Variants in SPSB1 observed in about 807,000 individuals in gnomAD.
The protein encoded by SPSB1 is splA/ryanodine receptor domain and SOCS box containing 1, also known as SPRY domain-containing SOCS box protein 1.
SPSB1 carries 8 observed loss-of-function variants against 21.2 expected under a neutral mutation model. The observed-to-expected ratio is 0.38, with a 90% confidence interval of 0.22 to 0.68. The LOEUF is 0.68. Among genes scored for constraint, SPSB1 ranks in the 30% least tolerant of loss-of-function variants. The pLI is 0.53. For synonymous variants in SPSB1, 169 were observed against 161.7 expected (o/e 1.05, Z -0.34); for missense variants, 242 against 377.8 (o/e 0.64, Z 2.98).
At chr1:9,341,825 C>T (rs926588380) in intron 1 of SPSB1, among the ~76,000 whole-genome samples, 1 of 152,210 alleles carries the variant, frequency 6.6e-6, no homozygotes, top group African/African-American at 2.4e-5. Context: ...GCCTCAGCCT[C>T]CTGAGTAGCT....
At chr1:9,313,064 T>C (rs969830033) in intron 1 of SPSB1, among the ~76,000 whole-genome samples, 2 of 152,210 alleles carry the variant, frequency 1.3e-5, no homozygotes, top group African/African-American at 2.4e-5. Context: ...CCCTGTGGAA[T>C]GGGGATTACC....
rs537746906 is a variant in SPSB1, at chr1:9,340,938, A to G, written c.-149-14805A>G. Among the ~76,000 whole-genome samples, 21 of 152,282 alleles carry G rather than the reference A, an allele frequency of 1.4e-4. 1 individual carries two copies. In the South Asian group the frequency reaches 3.9e-3, roughly 29 times the overall value. ...AGTGGGAAGGGGAGAAGACTGGTCT[A>G]GCTCAAAAGGCCAGTCCTGGGCTTC... On this transcript the variant is annotated intron_variant, in intron 1 of 2. Coordinates refer to ENST00000328089, the MANE Select transcript of SPSB1 (RefSeq NM_025106.4).
intron 2 of SPSB1, among the ~76,000 whole-genome samples, chr1:9,358,760 A>G (rs1640418400): frequency 6.6e-6 from 1 of 152,134 alleles, no homozygotes; most frequent in African/African-American, 2.4e-5. Flanking sequence ...CTCCAGGAAC[A>G]TGCCCCCTGA....
At chr1:9,309,219 A>G (rs141391723) in intron 1 of SPSB1, among the ~76,000 whole-genome samples, 721 of 17,322 alleles carry the variant, frequency 0.042, 8 homozygotes, top group African/African-American at 0.14. Context: ...TGAGATGTGC[A>G]GATAAGCTAG....
chr1:9,344,759 G>A (rs906424524), intron 1 of SPSB1, among the ~76,000 whole-genome samples: 1 of 152,212 alleles, frequency 6.6e-6, no homozygotes. Flanking sequence ...TGACTGTCAC[G>A]TAGGCTGGGT....
In SPSB1 at chr1:9,347,690, A is replaced by G. The variant is rs192267764; in HGVS notation, c.-149-8053A>G. Among the ~76,000 whole-genome samples, 177 of 152,208 alleles carry G rather than the reference A, an allele frequency of 1.2e-3. 1 individual carries two copies. The highest frequency in any genetic ancestry group is 6.8e-3 in the Middle Eastern group (2 of 294). ...GGCTGCATGGAGCTCCGTGGTGTAGATGAGGTGGGACTCATGCTGTCCCCA... is the reference window on the plus strand; with the variant it reads ...GGCTGCATGGAGCTCCGTGGTGTAGGTGAGGTGGGACTCATGCTGTCCCCA... On this transcript the variant is annotated intron_variant, in intron 1 of 2. Transcript: ENST00000328089.
In SPSB1 at chr1:9,356,333, C is replaced by T. The variant is rs767731224; in HGVS notation, c.442C>T (p.Arg148Trp). Residue 148 changes from arginine (R) to tryptophan (W), a missense_variant, in exon 2 of 3, where the codon CGG becomes TGG. Coordinates refer to ENST00000328089, the MANE Select transcript of SPSB1 (RefSeq NM_025106.4). This position sits in a 1 kb window ranked among gnomAD's most constrained non-coding sequence, Gnocchi z 7.4. ...ESWGWDLGRN[R>W]LYHDGKNQPS... ...CTGGGGCTGGGACTTGGGGCGCAACCGGCTCTACCACGATGGCAAGAACCA... is the reference window on the plus strand; with the variant it reads ...CTGGGGCTGGGACTTGGGGCGCAACTGGCTCTACCACGATGGCAAGAACCA... The T allele has an allele frequency of 4.3e-6, 7 of 1,613,800 alleles. No homozygotes were observed. Among genetic ancestry groups the T allele is most frequent in the East Asian group, 2.2e-5 (1 of 44,898 alleles).
In SPSB1 at chr1:9,305,507, G is replaced by C. The variant is rs1639396054; in HGVS notation, c.-150+12436G>C. On this transcript the variant is annotated intron_variant, in intron 1 of 2. Transcript: ENST00000328089. The surrounding 1 kb of genome is among the most constrained non-coding windows in gnomAD (Gnocchi z 4.8). ...ACAGTAGGTTCTTGGACACCTGTCG[G>C]ATGAAGGAGTAGGTAAGACCGGTGG... is the stretch of plus-strand genomic sequence containing the variant. Among the ~76,000 whole-genome samples the C allele has an allele frequency of 6.6e-6, 1 of 151,108 alleles. No homozygotes were observed. The highest frequency in any genetic ancestry group is 6.6e-5 in the Admixed American group (1 of 15,206).
intron 2 of SPSB1, among the ~76,000 whole-genome samples, chr1:9,357,640 G>A (rs1475591480): frequency 2.6e-5 from 4 of 152,172 alleles, no homozygotes; most frequent in Non-Finnish European, 5.9e-5. Context: ...AGTTGGGGAG[G>A]AGCATGCAGA....
Position 9,367,840 on chromosome 1 carries a change from G to A in SPSB1, c.*265G>A, listed in dbSNP as rs977924619. The A allele has an allele frequency of 1.9e-6, 1 of 517,300 alleles. No individual in the cohort carries two copies. The highest frequency in any genetic ancestry group is 1.9e-5 in the African/African-American group (1 of 52,104). The allele number at this position is 517,300 out of a possible 1,614,324, so 32.0% of individuals were successfully genotyped here. ...CAACCCCTCTTTGAAAAAAGACACA[G>A]AGAATAAACTCCTACGAAAGCCCTA... On this transcript the variant is annotated 3_prime_UTR_variant, in exon 3 of 3. Coordinates refer to ENST00000328089, the MANE Select transcript of SPSB1 (RefSeq NM_025106.4). This position sits in a 1 kb window ranked among gnomAD's most constrained non-coding sequence, Gnocchi z 5.9.
At chr1:9,300,810 T>C (rs1346400660) in intron 1 of SPSB1, among the ~76,000 whole-genome samples, 1 of 152,202 alleles carries the variant, frequency 6.6e-6, no homozygotes, top group Non-Finnish European at 1.5e-5. Context: ...GGCCCATGGT[T>C]CTTACTTTGC....
chr1:9,366,056 G>A (rs1640565581), intron 2 of SPSB1, among the ~76,000 whole-genome samples: 1 of 152,244 alleles, frequency 6.6e-6, no homozygotes, highest in South Asian at 2.1e-4. Flanking sequence ...CGGCTCATCT[G>A]AGATGCAGCT....
rs1639717026 is a variant in SPSB1 at position 9,321,185 on chromosome 1, T to TA, written c.-150+28115dup. Among the ~76,000 whole-genome samples, 2 of 150,290 alleles carry TA rather than the reference T, an allele frequency of 1.3e-5. No individual in the cohort carries two copies. The highest frequency in any genetic ancestry group is 4.3e-4 in the South Asian group (2 of 4,630). ...GCTGGAAAAAGCTCTTAAACCTTCT[T>TA]AGTTTAGTCTGCAGAGGCGTCTCAG... On this transcript the variant is annotated intron_variant, in intron 1 of 2. Coordinates refer to ENST00000328089, the MANE Select transcript of SPSB1 (RefSeq NM_025106.4). This position sits in a 1 kb window ranked among gnomAD's most constrained non-coding sequence, Gnocchi z 4.8.
At chr1:9,342,367 C>T (rs76913841) in intron 1 of SPSB1, among the ~76,000 whole-genome samples, 2,679 of 152,268 alleles carry the variant, frequency 0.018, 80 homozygotes, top group African/African-American at 0.062. Context: ...CTGGGGCACC[C>T]CTAGCTGTGG....
intron 1 of SPSB1, among the ~76,000 whole-genome samples, chr1:9,347,416 G>A (rs1640180714): frequency 7.1e-6 from 1 of 140,972 alleles, no homozygotes; most frequent in Non-Finnish European, 1.5e-5. Context: ...AGGAATACAT[G>A]CATTTTAAAA....
chr1:9,347,946 T>C (rs1307828606), intron 1 of SPSB1, among the ~76,000 whole-genome samples: 3 of 145,782 alleles, frequency 2.1e-5, no homozygotes, highest in African/African-American at 7.6e-5. Context: ...CCTGCAACTT[T>C]TTTTTTTTTT....
At chr1:9,344,562 G>A (rs1640140706) in intron 1 of SPSB1, among the ~76,000 whole-genome samples, 1 of 152,164 alleles carries the variant, frequency 6.6e-6, no homozygotes, top group African/African-American at 2.4e-5. Context: ...GATAGCCTCA[G>A]GTGTTGAGAG....
At chr1:9,339,955 G>C (rs941174125) in intron 1 of SPSB1, among the ~76,000 whole-genome samples, 14 of 152,036 alleles carry the variant, frequency 9.2e-5, no homozygotes, top group African/African-American at 3.4e-4. Context: ...CTTCTGATGT[G>C]TGTTTCCTCC....
In SPSB1 at chr1:9,321,679, T is replaced by A. The variant is rs1639724380; in HGVS notation, c.-150+28608T>A. 6.6e-6 allele frequency among the ~76,000 whole-genome samples: 1 copy of A among 151,988 alleles called. No individual in the cohort carries two copies. Among genetic ancestry groups the A allele is most frequent in the African/African-American group, 2.4e-5 (1 of 41,364 alleles). On this transcript the variant is annotated intron_variant, in intron 1 of 2. Coordinates refer to ENST00000328089, the MANE Select transcript of SPSB1 (RefSeq NM_025106.4). This position sits in a 1 kb window ranked among gnomAD's most constrained non-coding sequence, Gnocchi z 4.8. ...TAAATAAAAAAAAAAATGCTGCTGA[T>A]TGTCACTGTAATGTGCCCTTGACTC...
Sources: allele counts gnomAD v4.1 joint callset (sites outside exome capture counted in the v4.1 genomes callset), GRCh38; gene constraint gnomAD v4.1.1; non-coding constraint Gnocchi (gnomAD v3.1); transcripts MANE v1.5; gene names NCBI Gene and HGNC (gene_info 2026-07-23, HGNC 2026-07-21).